The following BCAP29 variants were observed in gnomAD, a reference collection of about 807,000 sequenced individuals.
The protein encoded by BCAP29 is B cell receptor associated protein 29.
In BCAP29, 34 loss-of-function variants were observed where a neutral mutation model predicts 31.8. The ratio of observed to expected loss-of-function variants is 1.07; its 90% CI spans 0.81 to 1.42. BCAP29 has a LOEUF of 1.42. Ranked by LOEUF, BCAP29 falls within the 40% of genes most tolerant of loss-of-function variation. The pLI is 0.00. For missense variants in BCAP29, 314 were observed against 269.2 expected (o/e 1.17, Z -1.16); for synonymous variants, 104 against 91.3 (o/e 1.14, Z -0.79).
At chr7:107,615,588 T>A in intron 7 of BCAP29, 1 of 234,306 alleles carries the variant, frequency 4.3e-6, no homozygotes, top group East Asian at 9.1e-5. Flanking sequence ...AGAGCGAGAC[T>A]CCATCTCAGA....
Position 107,599,269 on chromosome 7 carries a change from T to TAAAAATATATATA in BCAP29, c.481-1127_481-1126insAAAATATATATAA, listed in dbSNP as rs1810610209. Among the ~76,000 whole-genome samples, 5 of 122,466 alleles carry TAAAAATATATATA rather than the reference T, an allele frequency of 4.1e-5. 1 individual carries two copies. Among genetic ancestry groups the TAAAAATATATATA allele is most frequent in the African/African-American group, 1.7e-4 (5 of 29,922 alleles). The allele number at this position is 122,466 out of a possible 152,430, so 80.3% of individuals were successfully genotyped here. A position where few individuals can be genotyped will look rare whatever the true frequency, so the allele number is the denominator to read the frequency against. On this transcript the variant is annotated intron_variant, in intron 5 of 7. Coordinates refer to ENST00000005259, the MANE Select transcript of BCAP29 (RefSeq NM_018844.4). ...TAAATATATATAATTTTTATATATA[T>TAAAAATATATATA]ATTTATATATAATTTTTATATATAA...
In BCAP29 at chr7:107,587,259, T is replaced by C. The variant is rs190426156; in HGVS notation, c.193+3277T>C. On this transcript the variant is annotated intron_variant, in intron 3 of 7. Transcript: ENST00000005259. ...CATCTTCAGGTGGTTTATAGAAAAT[T>C]GACTATATGTCACATCCTTCCCTTA... Among the ~76,000 whole-genome samples the C allele has an allele frequency of 6.3e-3, 954 of 152,334 alleles. 6 individuals are homozygous for C. Among genetic ancestry groups the C allele is most frequent in the South Asian group, 0.016 (75 of 4,824 alleles).
chr7:107,580,080 C>A (rs1415885631), upstream of BCAP29: 1 of 152,276 alleles, frequency 6.6e-6, no homozygotes, highest in Non-Finnish European at 1.5e-5. Flanking sequence ...GGTCAAAAGT[C>A]TAACTCATTC....
chr7:107,618,842 C>A lies in BCAP29; in HGVS notation c.*479C>A. The A allele has an allele frequency of 3.4e-6, 1 of 295,332 alleles. No homozygotes were observed. Among genetic ancestry groups the A allele is most frequent in the Non-Finnish European group, 6.3e-6 (1 of 158,454 alleles). 18.3% of individuals were successfully genotyped at this position (295,332 alleles called of 1,614,324 possible). A position where few individuals can be genotyped will look rare whatever the true frequency, so the allele number is the denominator to read the frequency against. ...ATAAGGATAACTGATCAGAGTTATCCACTGTATTTATAAGGAAGAGTCGGA... is the reference window on the plus strand; with the variant it reads ...ATAAGGATAACTGATCAGAGTTATCAACTGTATTTATAAGGAAGAGTCGGA... On this transcript the variant is annotated 3_prime_UTR_variant, in exon 8 of 8. Transcript: ENST00000005259.
At chr7:107,599,141 GTATATAAATATATATTTATAAA>G (rs1373301104) in intron 5 of BCAP29, among the ~76,000 whole-genome samples, 6 of 103,306 alleles carry the variant, frequency 5.8e-5, no homozygotes, top group Non-Finnish European at 9.4e-5. Context: ...AAATTTATAT[GTATATAAATATATATTTATAAA>G]TATATAAATA....
At chr7:107,580,403 C>T (rs1585014949) in intron 1 of BCAP29, 102 bp downstream of exon 1, 1 of 225,708 alleles carries the variant, frequency 4.4e-6, no homozygotes, top group Non-Finnish European at 8.6e-6. Flanking sequence ...TGGCCCGACC[C>T]GGCCCGGCCC....
chr7:107,599,342 C>CAT (rs138569997), intron 5 of BCAP29, among the ~76,000 whole-genome samples: 1,255 of 60,938 alleles, frequency 0.021, 21 homozygotes, highest in Middle Eastern at 0.037. Context: ...TATATGCACA[C>CAT]ATATATATAT....
At chr7:107,610,415 A>G (rs1425842100) in intron 6 of BCAP29, among the ~76,000 whole-genome samples, 1 of 152,212 alleles carries the variant, frequency 6.6e-6, no homozygotes, top group African/African-American at 2.4e-5. Flanking sequence ...ATGCCTCAAA[A>G]TAAAATAAGC....
chr7:107,601,136 C>A (rs1351806452), intron 6 of BCAP29, among the ~76,000 whole-genome samples: 1 of 151,808 alleles, frequency 6.6e-6, no homozygotes, highest in Non-Finnish European at 1.5e-5. Context: ...AGTCAAAGAA[C>A]AAATTATTTT....
intron 3 of BCAP29, among the ~76,000 whole-genome samples, chr7:107,592,948 G>A (rs1809146639): frequency 6.6e-6 from 1 of 152,200 alleles, no homozygotes; most frequent in Non-Finnish European, 1.5e-5. Flanking sequence ...GATTTTCTTT[G>A]TGGGGTGACC....
rs1026796170 is a variant in BCAP29, at chr7:107,620,421, A to G, written c.*2058A>G. 2.0e-5 allele frequency: 3 copies of G among 152,202 alleles called. No homozygotes were observed. Among genetic ancestry groups the G allele is most frequent in the Non-Finnish European group, 4.4e-5 (3 of 68,036 alleles). The allele number at this position is 152,202 out of a possible 1,614,324, so 9.4% of individuals were successfully genotyped here. A position where few individuals can be genotyped will look rare whatever the true frequency, so the allele number is the denominator to read the frequency against. Reference sequence around the variant, plus strand: ...GTAGTTTTTCCTAGTACTCTCCTTAATAATGGTGGTGTTTAGCAAATTGTA... The same window carrying G: ...GTAGTTTTTCCTAGTACTCTCCTTAGTAATGGTGGTGTTTAGCAAATTGTA... On this transcript the variant is annotated 3_prime_UTR_variant, in exon 8 of 8. Transcript: ENST00000005259.
At chr7:107,588,313 T>C (rs1322689326) in intron 3 of BCAP29, among the ~76,000 whole-genome samples, 1 of 145,406 alleles carries the variant, frequency 6.9e-6, no homozygotes, top group East Asian at 1.9e-4. Flanking sequence ...TATGGAAATG[T>C]GGAACTAGAT....
intron 7 of BCAP29, chr7:107,615,431 C>G (rs1416001959): frequency 5.1e-6 from 2 of 394,860 alleles, no homozygotes; most frequent in Admixed American, 6.0e-5. Context: ...CCTGTCTCTA[C>G]TAAAAATACA....
In BCAP29 at chr7:107,613,114, T is replaced by C. The variant is rs539386584; in HGVS notation, c.590-218T>C. On this transcript the variant is annotated intron_variant, in intron 6 of 7. Coordinates refer to ENST00000005259, the MANE Select transcript of BCAP29 (RefSeq NM_018844.4). The stretch of plus-strand genomic sequence containing the variant: ...TGGGAAATACATTCACAGAAATGTA[T>C]TGAAGAGTAGAGGGGCACGATGCCT... Among the ~76,000 whole-genome samples, 4 of 152,280 alleles carry C rather than the reference T, an allele frequency of 2.6e-5. No homozygotes were observed. In the East Asian group the frequency reaches 7.7e-4, roughly 29 times the overall value.
Position 107,580,898 on chromosome 7 carries a change from T to C in BCAP29, c.92+34T>C, listed in dbSNP as rs767014914. The stretch of plus-strand genomic sequence containing the variant: ...CCTTCAAATCGTTAACTAATAAATA[T>C]TGGATCGCTCTTAATGTAAAATGGA... On this transcript the variant is annotated intron_variant, in intron 2 of 7. Coordinates refer to ENST00000005259, the MANE Select transcript of BCAP29 (RefSeq NM_018844.4). 16 of 1,483,278 alleles carry C rather than the reference T, an allele frequency of 1.1e-5. No individual in the cohort carries two copies. The Middle Eastern group carries it at 8.6e-4, about 80-fold the overall frequency. 91.9% of individuals were successfully genotyped at this position (1,483,278 alleles called of 1,614,324 possible).
At chr7:107,602,964 C>CTTTTTTTTTT (rs34887499) in intron 6 of BCAP29, among the ~76,000 whole-genome samples, 225 of 68,208 alleles carry the variant, frequency 3.3e-3, no homozygotes, top group Admixed American at 3.7e-3. Context: ...TTCTTTTATT[C>CTTTTTTTTTT]TTTTTTTTTT....
intron 5 of BCAP29, among the ~76,000 whole-genome samples, chr7:107,597,037 T>C (rs1809978787): frequency 6.6e-6 from 1 of 152,190 alleles, no homozygotes; most frequent in Admixed American, 6.5e-5. Flanking sequence ...CTAAAGCCAG[T>C]ACACAGTGGG....
At chr7:107,608,126 A>G (rs576097175) in intron 6 of BCAP29, among the ~76,000 whole-genome samples, 2 of 151,276 alleles carry the variant, frequency 1.3e-5, no homozygotes, top group East Asian at 1.9e-4. Context: ...TCCTTTTTCC[A>G]TACCGTAATC....
chr7:107,589,328 C>T (rs777322696), intron 3 of BCAP29, among the ~76,000 whole-genome samples: 16 of 152,076 alleles, frequency 1.1e-4, no homozygotes, highest in East Asian at 9.6e-4. Flanking sequence ...TGCAACTCAC[C>T]GTAATGTAGA....
Sources: allele counts gnomAD v4.1 joint callset (sites outside exome capture counted in the v4.1 genomes callset), GRCh38; gene constraint gnomAD v4.1.1; transcripts MANE v1.5; gene names NCBI Gene and HGNC (gene_info 2026-07-23, HGNC 2026-07-21).